Variants in TOMM70 observed in about 807,000 individuals in gnomAD.
TOMM70 encodes the protein mitochondrial import receptor subunit TOM70.
A neutral mutation model predicts 73.6 loss-of-function variants in TOMM70; 13 were observed. That is an observed-to-expected ratio of 0.18 (90% CI 0.11 to 0.28). TOMM70 has a LOEUF of 0.28. TOMM70 is among the 10% of genes least tolerant of loss of function. TOMM70 has a pLI of 1.00. For synonymous variants in TOMM70, 257 were observed against 271.2 expected (o/e 0.95, Z 0.51); for missense variants, 609 against 747.5 (o/e 0.81, Z 2.16).
At chr3:100,369,954 T>C (rs1003490389) in intron 9 of TOMM70, among the ~76,000 whole-genome samples, 5 of 152,232 alleles carry the variant, frequency 3.3e-5, no homozygotes, top group Non-Finnish European at 7.3e-5. Context: ...TTCCCTAATA[T>C]TATCTATAAT....
chr3:100,373,505 G>A, intron 8 of TOMM70, 33 bp downstream of exon 8: 4 of 1,520,616 alleles, frequency 2.6e-6, no homozygotes, highest in Middle Eastern at 3.5e-4. Flanking sequence ...TAAAAGTGAT[G>A]TTTAGGAAAA....
intron 1 of TOMM70, among the ~76,000 whole-genome samples, chr3:100,397,103 A>G (rs919372815): frequency 6.6e-6 from 1 of 152,238 alleles, no homozygotes; most frequent in South Asian, 2.1e-4. Flanking sequence ...CAGGTGGAGA[A>G]AGGACAGTTA....
intron 7 of TOMM70, among the ~76,000 whole-genome samples, chr3:100,374,405 A>G (rs185464861): frequency 1.3e-5 from 2 of 152,286 alleles, no homozygotes; most frequent in Non-Finnish European, 2.9e-5. Flanking sequence ...ATTAGGTAAA[A>G]TTCTCCATTA....
chr3:100,392,526 C>T (rs1198568145), intron 1 of TOMM70, among the ~76,000 whole-genome samples: 1 of 152,086 alleles, frequency 6.6e-6, no homozygotes, highest in African/African-American at 2.4e-5. Flanking sequence ...AGTGATTCTT[C>T]TGCCTCAGCC....
intron 1 of TOMM70, among the ~76,000 whole-genome samples, chr3:100,398,718 G>A (rs960256150): frequency 1.2e-4 from 19 of 152,180 alleles, no homozygotes; most frequent in African/African-American, 4.6e-4. Flanking sequence ...CTACAGGGAT[G>A]ACGCTAAGGT....
rs1706524560 is a variant in TOMM70, at chr3:100,372,718, C to T, written c.1340G>A (p.Arg447His). ...AGAGTTGTTTCCCGTATATGCCTGG[C>T]GGTACTATAAAAAATCAAAACAGGC... ...AQAQKCFALY[R>H]QAYTGNNSSQ... Residue 447 changes from arginine (R) to histidine (H), a missense_variant, in exon 9 of 12, where the codon CGC (arginine) becomes CAC (histidine). Physicochemically the swap from Arg to His is conservative, Grantham distance 29. Coordinates refer to ENST00000284320, the MANE Select transcript of TOMM70 (RefSeq NM_014820.5). 1.2e-6 allele frequency: 2 copies of T among 1,611,678 alleles called. No individual in the cohort carries two copies. The highest frequency in any genetic ancestry group is 1.7e-5 in the Admixed American group (1 of 59,630).
chr3:100,377,641 CA>C (rs1419089589), intron 6 of TOMM70, 63 bp downstream of exon 6: 15 of 1,525,274 alleles, frequency 9.8e-6, no homozygotes, highest in Non-Finnish European at 1.2e-5. Flanking sequence ...AAAAATCTGG[CA>C]AAACATAATG....
chr3:100,376,938 A>G (rs902457358), intron 6 of TOMM70, among the ~76,000 whole-genome samples: 158 of 152,334 alleles, frequency 1.0e-3, no homozygotes, highest in Non-Finnish European at 3.1e-4. Flanking sequence ...AGAAAATAAT[A>G]TTAAAGATAA....
intron 1 of TOMM70, among the ~76,000 whole-genome samples, chr3:100,400,268 G>A (rs1706877520): frequency 1.3e-5 from 2 of 152,100 alleles, no homozygotes; most frequent in Non-Finnish European, 2.9e-5. Context: ...GAAACAGTTC[G>A]TATCACGATG....
At chr3:100,392,008 T>G (rs540969502) in intron 1 of TOMM70, among the ~76,000 whole-genome samples, 1 of 152,216 alleles carries the variant, frequency 6.6e-6, no homozygotes, top group African/African-American at 2.4e-5. Flanking sequence ...ATCTTTTCTA[T>G]GTTTAGGTAC....
chr3:100,375,348 C>T (rs1706550912), intron 6 of TOMM70, among the ~76,000 whole-genome samples, 196 bp from the exon 7 acceptor site: 1 of 152,180 alleles, frequency 6.6e-6, no homozygotes, highest in Non-Finnish European at 1.5e-5. Flanking sequence ...ATTTTCATCA[C>T]CCTTAAAAGA....
chr3:100,396,934 T>C (rs1290931424), intron 1 of TOMM70, among the ~76,000 whole-genome samples: 1 of 152,180 alleles, frequency 6.6e-6, no homozygotes, highest in Non-Finnish European at 1.5e-5. Context: ...TCCAACCCAA[T>C]AGACAGAAGT....
intron 7 of TOMM70, 32 bp from the exon 8 acceptor site, chr3:100,373,677 C>T (rs367889975): frequency 5.4e-6 from 6 of 1,119,180 alleles, no homozygotes; most frequent in Non-Finnish European, 7.4e-6. Context: ...AAATGTAATT[C>T]AACTAGTCCA....
At chr3:100,382,717 C>G (rs990109576) in intron 4 of TOMM70, among the ~76,000 whole-genome samples, 1 of 152,090 alleles carries the variant, frequency 6.6e-6, no homozygotes, top group African/African-American at 2.4e-5. Flanking sequence ...CCTGTTTCAG[C>G]TTAGAAATGA....
intron 1 of TOMM70, among the ~76,000 whole-genome samples, chr3:100,396,534 T>C (rs994816805): frequency 6.6e-6 from 1 of 152,222 alleles, no homozygotes; most frequent in Non-Finnish European, 1.5e-5. Flanking sequence ...ATCTGGGACA[T>C]TGGTACAGCC....
rs1204126182 is a variant in TOMM70 at position 100,400,617 on chromosome 3, G to GC, written c.324+8dup. The GC allele has an allele frequency of 6.2e-7, 1 of 1,609,120 alleles. No homozygotes were observed. Among genetic ancestry groups the GC allele is most frequent in the Non-Finnish European group, 8.5e-7 (1 of 1,178,380 alleles). On this transcript the variant is annotated intron_variant, in intron 1 of 11. Transcript: ENST00000284320. ...GTTTCCTCCTCTACGGCCTGGGGCTGCTTCTCACCATGTCCAAGTGAGCAC... is the reference window on the plus strand; with the variant it reads ...GTTTCCTCCTCTACGGCCTGGGGCTGCCTTCTCACCATGTCCAAGTGAGCAC...
At chr3:100,385,936 C>T (rs1399340745) in intron 3 of TOMM70, among the ~76,000 whole-genome samples, 2 of 152,088 alleles carry the variant, frequency 1.3e-5, no homozygotes, top group Non-Finnish European at 2.9e-5. Context: ...TTCTGATTTC[C>T]TTATTCAGAG....
chr3:100,390,342 C>A (rs1363188663), intron 1 of TOMM70, among the ~76,000 whole-genome samples: 4 of 152,126 alleles, frequency 2.6e-5, no homozygotes, highest in Non-Finnish European at 4.4e-5. Flanking sequence ...TGAAAATGTA[C>A]AGTTATACAC....
chr3:100,374,868 G>C (rs1245542203), intron 7 of TOMM70, 150 bp downstream of exon 7: 1 of 855,318 alleles, frequency 1.2e-6, no homozygotes, highest in Non-Finnish European at 1.6e-6. Context: ...CTAAACAAAG[G>C]CCAATTCAAA....
Sources: gnomAD v4.1 joint callset for allele counts (sites outside exome capture counted in the v4.1 genomes callset) on GRCh38, gnomAD v4.1.1 for gene constraint, MANE v1.5 for transcripts, NCBI Gene and HGNC (gene_info 2026-07-23, HGNC 2026-07-21) for gene names.